Variants in FAM161B observed in about 807,000 individuals in gnomAD.
FAM161B encodes the protein FAM161 centrosomal protein B, also known as protein FAM161B.
A neutral mutation model predicts 61.5 loss-of-function variants in FAM161B; 46 were observed. The ratio of observed to expected loss-of-function variants is 0.75; its 90% confidence interval spans 0.59 to 0.96. The LOEUF (loss-of-function observed/expected upper bound fraction) is 0.96, where lower values mean the gene tolerates loss of function less well. Among genes scored for constraint, FAM161B ranks in the 40% least tolerant of loss-of-function variants. The pLI is 0.00. For synonymous variants in FAM161B, 284 were observed against 302.7 expected (o/e 0.94, Z 0.64); for missense variants, 774 against 800.7 (o/e 0.97, Z 0.40).
rs1341487947 is a variant in FAM161B, at chr14:73,934,357, C to G, written c.1843G>C (p.Glu615Gln). ...ETTKLSIRDP[E>Q]QGLEGSLEQP... ...TCTAGAGATCCTTCTAAACCCTGCT[C>G]TGGATCTCTGATGCTGAGTTTTGTA... The change falls in exon 9 of 9, where the codon GAG becomes CAG. Residue 615 changes from glutamate (E) to glutamine (Q), a missense_variant. Physicochemically the swap from Glu to Gln is conservative, Grantham distance 29. Transcript: ENST00000286544. 1.9e-6 allele frequency: 3 copies of G among 1,613,720 alleles called. No homozygotes were observed. The South Asian group carries it at 3.3e-5, about 18-fold the overall frequency.
Position 73,932,400 on chromosome 14 carries a change from A to C in FAM161B, c.*1856T>G, listed in dbSNP as rs1416752191. On this transcript the variant is annotated 3_prime_UTR_variant, in exon 9 of 9. Coordinates refer to ENST00000286544, the MANE Select transcript of FAM161B (RefSeq NM_152445.3). ...CCATACCAGTAAAACTGAACCGAGG[A>C]GTCTTAGGAAACAACAAGAACATCT... 6.8e-6 allele frequency: 3 copies of C among 443,920 alleles called. No individual in the cohort carries two copies. Among genetic ancestry groups the C allele is most frequent in the Non-Finnish European group, 1.3e-5 (3 of 224,006 alleles). The allele number at this position is 443,920 out of a possible 1,614,324, so 27.5% of individuals were successfully genotyped here. A position where few individuals can be genotyped will look rare whatever the true frequency, so the allele number is the denominator to read the frequency against.
intron 8 of FAM161B, among the ~76,000 whole-genome samples, chr14:73,935,097 T>C (rs2055960287): frequency 6.6e-6 from 1 of 151,608 alleles, no homozygotes; most frequent in Non-Finnish European, 1.5e-5. Context: ...CTATTTTATA[T>C]GGGATGTAAA....
intron 1 of FAM161B, 124 bp downstream of exon 1, chr14:73,949,849 C>G (rs760407977): frequency 5.7e-6 from 8 of 1,406,172 alleles, no homozygotes; most frequent in Non-Finnish European, 7.7e-6. Context: ...CTCCTGGTCC[C>G]TAAACGCTCA....
At chr14:73,927,639 G>A (rs1415711211), downstream of FAM161B, among the ~76,000 whole-genome samples, 5 of 151,948 alleles carry the variant, frequency 3.3e-5, no homozygotes, top group Non-Finnish European at 7.4e-5. Flanking sequence ...TTCATTCAGC[G>A]GCTAGTTACC....
chr14:73,946,441 T>C lies in FAM161B; in HGVS notation c.219A>G (p.Glu73=), dbSNP rs144815565. Residue 73 remains glutamate (E), a synonymous_variant, in exon 2 of 9, where the codon GAA becomes GAG. Transcript: ENST00000286544. ...GACACCATCTCCCTTTCTGCTTCAG[T>C]TCCTGTAAGTTCTGGTAAATGCTCC... The part of the protein sequence containing the change: ...STGSIYQNLQ[E]LKQKGRWCLL... 414 of 1,614,052 alleles carry C rather than the reference T, an allele frequency of 2.6e-4. No individual in the cohort carries two copies. The highest frequency in any genetic ancestry group is 3.4e-4 in the Non-Finnish European group (397 of 1,180,040).
At position 73,944,719 on chromosome 14, in the gene FAM161B, C is replaced by T. The variant is rs371012373; in HGVS notation, c.541G>A (p.Glu181Lys). The T allele has an allele frequency of 1.3e-5, 21 of 1,603,180 alleles. No homozygotes were observed. Among genetic ancestry groups the T allele is most frequent in the South Asian group, 1.2e-4 (11 of 90,252 alleles). ...AGCCACTCGGCCTTCTTCCGGGCCT[C>T]GCGCAGCGTCATGCGGAATGGCCGA... is the stretch of plus-strand genomic sequence containing the variant. ...VPRPFRMTLR[E>K]ARKKAEWLGS... The change falls in exon 3 of 9, where the codon GAG (glutamate) becomes AAG (lysine). Residue 181 changes from glutamate (E) to lysine (K), a missense_variant. Transcript: ENST00000286544.
chr14:73,929,853 CAG>C, downstream of FAM161B, among the ~76,000 whole-genome samples: 1 of 151,764 alleles, frequency 6.6e-6, no homozygotes, highest in African/African-American at 2.4e-5. Flanking sequence ...GGAAAAATAT[CAG>C]AAACTACAAG....
chr14:73,923,443 T>G, the FAM161B span: 1 of 1,614,118 alleles, frequency 6.2e-7, no homozygotes, highest in East Asian at 2.2e-5. Flanking sequence ...GTGCCTGATG[T>G]GACACATCAC....
Position 73,942,431 on chromosome 14 carries a change from T to C in FAM161B, c.1210A>G (p.Arg404Gly), listed in dbSNP as rs761457736. 6.2e-7 allele frequency: 1 copy of C among 1,614,222 alleles called. No individual in the cohort carries two copies. The highest frequency in any genetic ancestry group is 1.1e-5 in the South Asian group (1 of 91,086). Residue 404 changes from arginine (R) to glycine (G), a missense_variant, in exon 4 of 9, where the codon AGG (arginine) becomes GGG (glycine). Arg to Gly is a moderately radical substitution (Grantham distance 125). Transcript: ENST00000286544. ...TGAGGGTGGCGCAGGTTGGCGGTCC[T>C]CAGCAAGAAGGGCTTGTTGCGAGTG... ...EATRNKPFLLRTANLRHPQRP... is the reference protein window; with the variant it reads ...EATRNKPFLLGTANLRHPQRP...
intron 5 of FAM161B, among the ~76,000 whole-genome samples, chr14:73,940,257 T>A (rs1465626414): frequency 6.6e-6 from 1 of 152,196 alleles, no homozygotes; most frequent in Non-Finnish European, 1.5e-5. Flanking sequence ...ATCAGGTCAG[T>A]TGAAGAGTTA....
chr14:73,938,471 A>C (rs970903654), intron 5 of FAM161B, among the ~76,000 whole-genome samples: 2 of 147,240 alleles, frequency 1.4e-5, no homozygotes, highest in East Asian at 4.1e-4. Flanking sequence ...AATAATAATA[A>C]TAATAAAATA....
Position 73,944,547 on chromosome 14 carries a change from T to G in FAM161B, c.713A>C (p.Glu238Ala). The G allele has an allele frequency of 6.2e-7, 1 of 1,614,122 alleles. No individual in the cohort carries two copies. Among genetic ancestry groups the G allele is most frequent in the Non-Finnish European group, 8.5e-7 (1 of 1,180,002 alleles). Residue 238 changes from glutamate to alanine, a missense_variant, in exon 3 of 9, where the codon GAG (glutamate) becomes GCG (alanine). Transcript: ENST00000286544. ...PLYQEIMERSEARRQAGIQKR... is the reference protein window; with the variant it reads ...PLYQEIMERSAARRQAGIQKR... ...CTGGATCCCTGCCTGCCTTCGGGCC[T>G]CGCTGCGCTCCATGATCTCTTGGTA...
the FAM161B span, chr14:73,923,403 G>A: frequency 6.2e-7 from 1 of 1,613,226 alleles, no homozygotes; most frequent in East Asian, 2.2e-5. Context: ...AGAGGTGCTT[G>A]CTGAAGGATC....
chr14:73,943,573 A>G (rs751075372), intron 3 of FAM161B, among the ~76,000 whole-genome samples: 45 of 151,552 alleles, frequency 3.0e-4, no homozygotes, highest in Non-Finnish European at 4.7e-4. Flanking sequence ...TCTCCCCTCC[A>G]TGCCACATTC....
chr14:73,924,708 G>A, the FAM161B span: 14 of 443,402 alleles, frequency 3.2e-5, no homozygotes, highest in Admixed American at 1.0e-4. Flanking sequence ...ACAGAGTCTC[G>A]CTCCGTTGCC....
At chr14:73,940,457 C>T (rs550326062) in intron 5 of FAM161B, among the ~76,000 whole-genome samples, 1 of 152,292 alleles carries the variant, frequency 6.6e-6, no homozygotes, top group East Asian at 1.9e-4. Context: ...CATGTTCTCT[C>T]TGTCTGGAAC....
intron 1 of FAM161B, 124 bp downstream of exon 1, chr14:73,949,849 C>T (rs760407977): frequency 4.4e-5 from 62 of 1,406,172 alleles, no homozygotes; most frequent in Non-Finnish European, 5.5e-5. Context: ...CTCCTGGTCC[C>T]TAAACGCTCA....
the FAM161B span, among the ~76,000 whole-genome samples, chr14:73,925,106 G>A: frequency 6.6e-6 from 1 of 151,648 alleles, no homozygotes; most frequent in African/African-American, 2.4e-5. Flanking sequence ...CAGGGTTCTG[G>A]GCATACATGT....
intron 1 of FAM161B, among the ~76,000 whole-genome samples, chr14:73,948,922 A>ATTT (rs542417797): frequency 0.012 from 1,675 of 144,468 alleles, 27 homozygotes; most frequent in African/African-American, 0.041. Context: ...CACCTGGCTA[A>ATTT]TTTTTTTTTT....
Sources: gnomAD v4.1 joint callset for allele counts (sites outside exome capture counted in the v4.1 genomes callset) on GRCh38, gnomAD v4.1.1 for gene constraint, MANE v1.5 for transcripts, NCBI Gene and HGNC (gene_info 2026-07-23, HGNC 2026-07-21) for gene names.